GSTCD: variants seen among roughly 807,000 people sequenced by gnomAD.
The protein encoded by GSTCD is glutathione S-transferase C-terminal domain containing.
In GSTCD, 44 loss-of-function variants were observed where a neutral mutation model predicts 68.3. The observed-to-expected ratio is 0.64, with a 90% CI of 0.51 to 0.83. GSTCD has a LOEUF of 0.83. Ranked by LOEUF, GSTCD falls within the 40% of genes least tolerant of loss-of-function variation. The pLI is 0.00. For synonymous variants in GSTCD, 273 were observed against 255.2 expected (o/e 1.07, Z -0.67); for missense variants, 739 against 735.9 (o/e 1.00, Z -0.05).
At chr4:105,804,874 A>G (rs1722415979) in intron 5 of GSTCD, among the ~76,000 whole-genome samples, 1 of 152,006 alleles carries the variant, frequency 6.6e-6, no homozygotes, top group Non-Finnish European at 1.5e-5. Context: ...GCTCCCGTTT[A>G]TAAGTGAGAA....
At chr4:105,841,509 C>T (rs1012536353) in intron 10 of GSTCD, among the ~76,000 whole-genome samples, 24 of 151,788 alleles carry the variant, frequency 1.6e-4, no homozygotes, top group Non-Finnish European at 2.4e-4. Context: ...AAAATGACCC[C>T]GAGGATTTTC....
chr4:105,815,455 C>T (rs1722936850), intron 5 of GSTCD: 2 of 152,014 alleles, frequency 1.3e-5, no homozygotes, highest in African/African-American at 4.8e-5. Context: ...GAATTTAGGG[C>T]CGTGTCACTT....
At chr4:105,724,614 G>A (rs4699198) in intron 3 of GSTCD, among the ~76,000 whole-genome samples, 34,222 of 151,492 alleles carry the variant, frequency 0.23, 5,254 homozygotes, top group African/African-American at 0.44. Context: ...TACAGAGAAG[G>A]TAGTTTCACA....
intron 5 of GSTCD, among the ~76,000 whole-genome samples, chr4:105,809,727 A>G (rs183909739): frequency 3.3e-5 from 5 of 151,948 alleles, no homozygotes; most frequent in East Asian, 1.9e-4. Context: ...TTAGTATTCT[A>G]TTAATGACGA....
chr4:105,743,653 C>CT (rs777714268), intron 5 of GSTCD, among the ~76,000 whole-genome samples: 2,052 of 88,878 alleles, frequency 0.023, 143 homozygotes, highest in African/African-American at 0.037. Flanking sequence ...ACAGGACATT[C>CT]TTTTTTTTTT....
chr4:105,780,894 A>G (rs1317632215), intron 5 of GSTCD, among the ~76,000 whole-genome samples: 1 of 152,176 alleles, frequency 6.6e-6, no homozygotes, highest in Non-Finnish European at 1.5e-5. Flanking sequence ...TTATGTTGCT[A>G]TAACATTAGT....
intron 9 of GSTCD, among the ~76,000 whole-genome samples, chr4:105,835,236 G>C (rs907513171): frequency 2.0e-5 from 3 of 152,170 alleles, no homozygotes; most frequent in African/African-American, 7.2e-5. Flanking sequence ...CCTGAGTTTT[G>C]CTTGGGCCCA....
intron 5 of GSTCD, among the ~76,000 whole-genome samples, chr4:105,810,891 C>G (rs756819401): frequency 3.0e-4 from 45 of 151,932 alleles, no homozygotes; most frequent in Admixed American, 6.6e-4. Context: ...TACAGTTGTC[C>G]TGAGGTGGAA....
intron 5 of GSTCD, among the ~76,000 whole-genome samples, chr4:105,786,075 T>C (rs1316091881): frequency 6.6e-6 from 1 of 152,198 alleles, no homozygotes; most frequent in Non-Finnish European, 1.5e-5. Context: ...AGATATAAAG[T>C]AAAATGTAAA....
At chr4:105,814,371 G>A (rs958490784) in intron 5 of GSTCD, among the ~76,000 whole-genome samples, 1 of 152,140 alleles carries the variant, frequency 6.6e-6, no homozygotes, top group Non-Finnish European at 1.5e-5. Context: ...CCAGCACTTT[G>A]GGAGGCCGAG....
intron 5 of GSTCD, among the ~76,000 whole-genome samples, chr4:105,768,204 T>C (rs1275443255): frequency 6.6e-6 from 1 of 151,932 alleles, no homozygotes; most frequent in East Asian, 1.9e-4. Context: ...ATTTTTTTTG[T>C]ATTTTTTAGT....
chr4:105,737,440 C>G (rs1578423114), intron 5 of GSTCD, among the ~76,000 whole-genome samples: 1 of 152,102 alleles, frequency 6.6e-6, no homozygotes, highest in Admixed American at 6.5e-5. Flanking sequence ...GTTGTGTCTT[C>G]ACTTTGTTGA....
chr4:105,812,061 A>G (rs1043409662), intron 5 of GSTCD, among the ~76,000 whole-genome samples: 5 of 152,200 alleles, frequency 3.3e-5, no homozygotes, highest in Middle Eastern at 3.2e-3. Flanking sequence ...TGTGAACTGA[A>G]CTATGTATAG....
intron 5 of GSTCD, among the ~76,000 whole-genome samples, chr4:105,739,030 G>A (rs1733549032): frequency 6.6e-6 from 1 of 152,144 alleles, no homozygotes; most frequent in South Asian, 2.1e-4. Flanking sequence ...AGTTTGTTGA[G>A]AATTTTTATC....
chr4:105,795,300 A>T (rs935076025), intron 5 of GSTCD, among the ~76,000 whole-genome samples: 5 of 152,006 alleles, frequency 3.3e-5, no homozygotes, highest in Non-Finnish European at 7.4e-5. Flanking sequence ...CTTTGGTTGT[A>T]TCTCATAAGT....
At chr4:105,778,640 A>G (rs1375439277) in intron 5 of GSTCD, among the ~76,000 whole-genome samples, 1 of 152,146 alleles carries the variant, frequency 6.6e-6, no homozygotes, top group African/African-American at 2.4e-5. Flanking sequence ...ATTGCTTGAT[A>G]TGTGAAAACA....
At chr4:105,802,726 G>A (rs1443052409) in intron 5 of GSTCD, among the ~76,000 whole-genome samples, 2 of 151,884 alleles carry the variant, frequency 1.3e-5, no homozygotes, top group African/African-American at 4.8e-5. Flanking sequence ...CATTCAGGAG[G>A]TTCTCTTAAG....
Position 105,822,989 on chromosome 4 carries a change from C to T in GSTCD, c.1276C>T (p.Gln426Ter). Residue 426 changes from glutamine to a stop codon, truncating the protein, a stop_gained, in exon 6 of 12, where the codon CAA (glutamine) becomes TAA (stop). Transcript: ENST00000515279. LOFTEE classifies it high-confidence loss of function. ...CAGTGATCGAGCTTTGAGGAAGCAG[C>T]AACAGTTGAACAACCTTGTCTATGT... is the stretch of plus-strand genomic sequence containing the variant. The part of the protein sequence containing the change: ...MSSDRALRKQ[Q>*]QLNNLVYVVT... 2.5e-6 allele frequency: 4 copies of T among 1,613,688 alleles called. No individual in the cohort carries two copies. The highest frequency in any genetic ancestry group is 1.1e-5 in the South Asian group (1 of 91,024).
intron 3 of GSTCD, among the ~76,000 whole-genome samples, chr4:105,726,297 GA>G (rs1733031083): frequency 1.3e-5 from 2 of 152,242 alleles, no homozygotes; most frequent in Non-Finnish European, 2.9e-5. Context: ...CCATTTGTAT[GA>G]AATTCTAGAA....
Sources: gnomAD v4.1 joint callset for allele counts (sites outside exome capture counted in the v4.1 genomes callset) on GRCh38, gnomAD v4.1.1 for gene constraint, MANE v1.5 for transcripts, NCBI Gene and HGNC (gene_info 2026-07-23, HGNC 2026-07-21) for gene names.